Variants in PABIR3 observed in about 807,000 individuals in gnomAD.
The protein encoded by PABIR3 is PABIR family member 1.
Under a neutral mutation model 23.1 loss-of-function variants are expected in PABIR3, and 20 were observed. The observed-to-expected ratio is 0.86, with a 90% CI of 0.61 to 1.26. The LOEUF (loss-of-function observed/expected upper bound fraction) is 1.26, where lower values mean the gene tolerates loss of function less well. PABIR3 is among the 50% of genes most tolerant of loss of function. PABIR3 has a pLI of 0.00. For missense variants in PABIR3, 189 were observed against 195.4 expected, an observed-to-expected ratio of 0.97 and a Z score of 0.20; for synonymous variants, 69 against 68.5, an observed-to-expected ratio of 1.01 and a Z score of -0.04.
chrX:134,840,367 C>CA (rs889066844), intron 4 of PABIR3, among the ~76,000 whole-genome samples: 38 of 109,502 alleles, frequency 3.5e-4, no homozygotes, highest in Admixed American at 5.8e-4. Flanking sequence ...AAAAAAAAAA[C>CA]AAAAAACAAA....
At chrX:134,826,374 C>T (rs1274464100) in intron 3 of PABIR3, among the ~76,000 whole-genome samples, 1 of 111,563 alleles carries the variant, frequency 9.0e-6, no homozygotes, top group Non-Finnish European at 1.9e-5. Context: ...CCCCTACACA[C>T]ACCCACTTCA....
At chrX:134,861,874 A>G in the PABIR3 span, among the ~76,000 whole-genome samples, 5 of 110,508 alleles carry the variant, frequency 4.5e-5, no homozygotes, top group East Asian at 1.4e-3. Flanking sequence ...AAGAAAGAGG[A>G]TGTGGTATGA....
In PABIR3 at chrX:134,809,457, G is replaced by A. The variant is rs776547848; in HGVS notation, c.110+1749G>A. On this transcript the variant is annotated intron_variant, in intron 2 of 10. Coordinates refer to ENST00000645433, the MANE Select transcript of PABIR3 (RefSeq NM_001388447.1). The stretch of plus-strand genomic sequence containing the variant: ...TGGGATTACAGGCGTGAGCCACTGC[G>A]CCTGGCCTAAATCTTACTTCTTAAA... The A allele has an allele frequency of 1.7e-5, 13 of 749,077 alleles. No homozygotes were observed. In the Admixed American group the frequency reaches 8.8e-4, roughly 51 times the overall value. The allele number at this position is 749,077 out of a possible 1,213,427, so 61.7% of individuals were successfully genotyped here.
At chrX:134,855,443 A>T (rs1300829921), downstream of PABIR3, among the ~76,000 whole-genome samples, 1 of 111,502 alleles carries the variant, frequency 9.0e-6, no homozygotes, top group East Asian at 2.8e-4. Context: ...CAAAAAAAAA[A>T]AATTAAATTT....
At chrX:134,808,998 A>G (rs1055139123) in intron 2 of PABIR3, among the ~76,000 whole-genome samples, 7 of 111,397 alleles carry the variant, frequency 6.3e-5, no homozygotes, top group African/African-American at 2.3e-4. Context: ...ATGTACACAG[A>G]TATATACTAT....
downstream of PABIR3, among the ~76,000 whole-genome samples, chrX:134,857,410 C>T (rs189147990): frequency 7.2e-5 from 8 of 111,328 alleles, no homozygotes; most frequent in East Asian, 2.3e-3. Context: ...ATTTAAGGCC[C>T]ACCCTAATCC....
At chrX:134,815,824 G>A (rs1265434678) in intron 3 of PABIR3, among the ~76,000 whole-genome samples, 2 of 109,877 alleles carry the variant, frequency 1.8e-5, no homozygotes, top group Admixed American at 9.8e-5. Context: ...GACTACAGGC[G>A]TGCACCACCA....
Position 134,847,490 on chromosome X carries a change from C to T in PABIR3, c.438+15C>T, listed in dbSNP as rs374375298. On this transcript the variant is annotated intron_variant, in intron 7 of 10. Transcript: ENST00000645433. The stretch of plus-strand genomic sequence containing the variant: ...AGACTGGGAAGGTAAGAAAGGAGTA[C>T]CTAAAAGTCTATGTCTCTTGAAATA... The T allele has an allele frequency of 4.5e-5, 49 of 1,099,692 alleles. No individual in the cohort carries two copies. The highest frequency in any genetic ancestry group is 5.9e-5 in the Non-Finnish European group (47 of 799,215). The allele number at this position is 1,099,692 out of a possible 1,213,427, so 90.6% of individuals were successfully genotyped here.
In PABIR3 at chrX:134,839,469, G is replaced by A. The variant is rs769806740; in HGVS notation, c.247-5736G>A. 18 of 130,688 alleles carry A rather than the reference G, an allele frequency of 1.4e-4. No homozygotes were observed. In the South Asian group the frequency reaches 2.9e-3, roughly 21 times the overall value. The allele number at this position is 130,688 out of a possible 1,213,427, so 10.8% of individuals were successfully genotyped here. A position where few individuals can be genotyped will look rare whatever the true frequency, so the allele number is the denominator to read the frequency against. On this transcript the variant is annotated intron_variant, in intron 4 of 10. Coordinates refer to ENST00000645433, the MANE Select transcript of PABIR3 (RefSeq NM_001388447.1). ...AGCCCCTCCGCCCAGCAGCCGCCCC[G>A]TCTGAGAAGTGAGGAGCCCCTCCGC...
intron 3 of PABIR3, among the ~76,000 whole-genome samples, chrX:134,827,636 C>T (rs2081562462): frequency 9.0e-6 from 1 of 111,519 alleles, no homozygotes; most frequent in Non-Finnish European, 1.9e-5. Flanking sequence ...AGGCTAAAGT[C>T]CAAAAACTAC....
intron 3 of PABIR3, chrX:134,822,476 T>A (rs764773179): frequency 2.0e-4 from 149 of 750,843 alleles, no homozygotes; most frequent in Non-Finnish European, 2.3e-4. Context: ...GTTCAAATCC[T>A]ACCTACCTCA....
At chrX:134,803,424 T>A (rs2080115023), upstream of PABIR3, among the ~76,000 whole-genome samples, 1 of 112,590 alleles carries the variant, frequency 8.9e-6, no homozygotes, top group African/African-American at 3.2e-5. Context: ...AGAAGGCCAT[T>A]GCATTGAAAT....
At chrX:134,828,047 C>CTCTCTCTA (rs1466733144) in intron 3 of PABIR3, among the ~76,000 whole-genome samples, 33 of 49,407 alleles carry the variant, frequency 6.7e-4, no homozygotes, top group Non-Finnish European at 8.6e-4. Flanking sequence ...CTCTCTCTCT[C>CTCTCTCTA]TATATATATA....
chrX:134,830,478 G>C (rs939114039), intron 4 of PABIR3, among the ~76,000 whole-genome samples: 2 of 107,229 alleles, frequency 1.9e-5, no homozygotes, highest in Admixed American at 2.0e-4. Flanking sequence ...GATTACAGAC[G>C]CCTGCCACCA....
chrX:134,827,992 T>A (rs2081577293), intron 3 of PABIR3, among the ~76,000 whole-genome samples: 1 of 103,015 alleles, frequency 9.7e-6, no homozygotes, highest in Non-Finnish European at 2.0e-5. Context: ...TCTTTCGATC[T>A]TCAGAGTCTA....
chrX:134,815,552 C>T (rs1454302564), intron 3 of PABIR3, among the ~76,000 whole-genome samples: 2 of 112,164 alleles, frequency 1.8e-5, no homozygotes, highest in Non-Finnish European at 3.8e-5. Context: ...AAAGTGCATA[C>T]ATATCCTTGT....
intron 5 of PABIR3, 32 bp from the exon 6 acceptor site, chrX:134,845,315 T>G (rs1374999507): frequency 1.7e-6 from 2 of 1,198,273 alleles, no homozygotes; most frequent in Non-Finnish European, 2.3e-6. Flanking sequence ...TTCTTTCAGA[T>G]AGGCAAACTG....
intron 4 of PABIR3, chrX:134,835,586 T>C (rs1405214468): frequency 8.9e-6 from 1 of 112,084 alleles, no homozygotes; most frequent in Non-Finnish European, 1.9e-5. Context: ...AAGTTAATTT[T>C]CTAAACACAG....
At chrX:134,811,228 G>T (rs1457533159) in intron 2 of PABIR3, 2 of 649,268 alleles carry the variant, frequency 3.1e-6, no homozygotes, top group Non-Finnish European at 3.7e-6. Context: ...TCTGTAATTG[G>T]CTGACTTTAT....
Sources: allele counts gnomAD v4.1 joint callset (sites outside exome capture counted in the v4.1 genomes callset), GRCh38; gene constraint gnomAD v4.1.1; transcripts MANE v1.5; gene names NCBI Gene and HGNC (gene_info 2026-07-23, HGNC 2026-07-21).